ZNF81: variants seen among roughly 807,000 people sequenced by gnomAD.
ZNF81 encodes the protein zinc finger protein 81.
A neutral mutation model predicts 32.3 loss-of-function variants in ZNF81; 5 were observed. That is an observed-to-expected ratio of 0.15 (90% CI 0.08 to 0.33). The LOEUF is 0.33. Ranked by LOEUF, ZNF81 falls within the 10% of genes least tolerant of loss-of-function variation. The pLI, the probability that ZNF81 is intolerant of heterozygous loss-of-function variation, is 1.00. For missense variants in ZNF81, 379 were observed against 479.8 expected (o/e 0.79, Z 1.96); for synonymous variants, 163 against 166.8 (o/e 0.98, Z 0.17).
chrX:47,879,938 C>T (rs1407445306), intron 2 of ZNF81, among the ~76,000 whole-genome samples: 1 of 112,250 alleles, frequency 8.9e-6, no homozygotes, highest in Non-Finnish European at 1.9e-5. Context: ...CTATGTCCCA[C>T]ATTTTGGAAT....
At chrX:47,844,247 C>T (rs1556880161) in intron 1 of ZNF81, among the ~76,000 whole-genome samples, 1 of 112,286 alleles carries the variant, frequency 8.9e-6, no homozygotes, top group African/African-American at 3.2e-5. Context: ...GTGCAGCCAT[C>T]ACCACAATCT....
At chrX:47,896,040 G>T (rs2058678915) in intron 4 of ZNF81, 100 bp downstream of exon 4, 1 of 637,636 alleles carries the variant, frequency 1.6e-6, no homozygotes. Context: ...TTAAAGGTTG[G>T]AAACTTTATA....
At chrX:47,909,604 T>C (rs2058732288) in intron 4 of ZNF81, among the ~76,000 whole-genome samples, 1 of 109,969 alleles carries the variant, frequency 9.1e-6, no homozygotes, top group Non-Finnish European at 1.9e-5. Flanking sequence ...TTTTTTTCTT[T>C]TTCTTTTTTT....
In ZNF81 at chrX:47,846,221, T is replaced by C. The variant is rs2058469686; in HGVS notation, c.-47T>C. 5 of 1,189,001 alleles carry C rather than the reference T, an allele frequency of 4.2e-6. No individual in the cohort carries two copies. The highest frequency in any genetic ancestry group is 5.7e-6 in the Non-Finnish European group (5 of 883,119). Reference sequence around the variant, plus strand: ...CACCGATCCCACTGGAATTATAAAGTTGTCAGCAAGAAAGCCCCAGGGCTG... The same window carrying C: ...CACCGATCCCACTGGAATTATAAAGCTGTCAGCAAGAAAGCCCCAGGGCTG... On this transcript the variant is annotated 5_prime_UTR_variant, in exon 2 of 5. Coordinates refer to ENST00000338637, the MANE Select transcript of ZNF81 (RefSeq NM_007137.5).
intron 2 of ZNF81, among the ~76,000 whole-genome samples, chrX:47,877,990 A>T (rs1556884743): frequency 9.0e-6 from 1 of 111,421 alleles, no homozygotes; most frequent in Non-Finnish European, 1.9e-5. Context: ...AGCAGCCAGG[A>T]TCTACTGCAA....
chrX:47,918,965 TG>T lies in ZNF81; in HGVS notation c.*2339del, dbSNP rs1423068845. On this transcript the variant is annotated 3_prime_UTR_variant, in exon 5 of 5. Transcript: ENST00000338637. ...ACCATTGTATATATTGGGTGTATGT[TG>T]GGGGGCATGTAACTTGTCATTTAGC... is the stretch of plus-strand genomic sequence containing the variant. 1 of 257,746 alleles carries T rather than the reference TG, an allele frequency of 3.9e-6. No individual in the cohort carries two copies. The highest frequency in any genetic ancestry group is 7.3e-6 in the Non-Finnish European group (1 of 137,277). 21.2% of individuals were successfully genotyped at this position (257,746 alleles called of 1,213,427 possible).
rs1674639514 is a variant in ZNF81, at chrX:47,922,130, T to C, written c.*5498T>C. 1 of 112,048 alleles carries C rather than the reference T, an allele frequency of 8.9e-6. No homozygotes were observed. Among genetic ancestry groups the C allele is most frequent in the Non-Finnish European group, 1.9e-5 (1 of 53,183 alleles). 9.2% of individuals were successfully genotyped at this position (112,048 alleles called of 1,213,427 possible). On this transcript the variant is annotated 3_prime_UTR_variant, in exon 5 of 5. Coordinates refer to ENST00000338637, the MANE Select transcript of ZNF81 (RefSeq NM_007137.5). Reference sequence around the variant, plus strand: ...AACAACCCAGCAAAAAGCTAACTGATACATTGATTATTTATTGCATTTCTT... The same window carrying C: ...AACAACCCAGCAAAAAGCTAACTGACACATTGATTATTTATTGCATTTCTT...
At chrX:47,907,750 G>C (rs782809112) in intron 4 of ZNF81, among the ~76,000 whole-genome samples, 1 of 111,674 alleles carries the variant, frequency 9.0e-6, no homozygotes, top group South Asian at 3.7e-4. Context: ...AGGATACTAA[G>C]AAAATATTAT....
intron 2 of ZNF81, among the ~76,000 whole-genome samples, chrX:47,871,818 C>T (rs2058581625): frequency 8.9e-6 from 1 of 112,176 alleles, no homozygotes; most frequent in African/African-American, 3.2e-5. Context: ...GCAGCTATTG[C>T]TGCTGCTCGG....
intron 2 of ZNF81, among the ~76,000 whole-genome samples, chrX:47,863,881 T>C (rs1422434776): frequency 9.0e-6 from 1 of 111,722 alleles, no homozygotes; most frequent in Non-Finnish European, 1.9e-5. Context: ...ATTCCTTGAG[T>C]GGGTAAAATG....
At chrX:47,837,179 A>C (rs782471165) in intron 1 of ZNF81, among the ~76,000 whole-genome samples, 192 bp downstream of exon 1, 1 of 111,823 alleles carries the variant, frequency 8.9e-6, no homozygotes, top group South Asian at 3.7e-4. Context: ...TAAGAGTGTT[A>C]ACTTGTATTC....
intron 4 of ZNF81, among the ~76,000 whole-genome samples, chrX:47,899,519 G>A (rs999433293): frequency 8.2e-5 from 9 of 110,004 alleles, no homozygotes; most frequent in Admixed American, 1.9e-4. Flanking sequence ...TGACTTAAAA[G>A]TTTGCGTTTT....
chrX:47,915,642 T>C lies in ZNF81; in HGVS notation c.996T>C (p.Cys332=). 3 of 1,210,430 alleles carry C rather than the reference T, an allele frequency of 2.5e-6. No homozygotes were observed. The highest frequency in any genetic ancestry group is 2.2e-6 in the Non-Finnish European group (2 of 894,739). The change falls in exon 5 of 5, where the codon TGT becomes TGC. Residue 332 remains cysteine, a synonymous_variant. Coordinates refer to ENST00000338637, the MANE Select transcript of ZNF81 (RefSeq NM_007137.5). ...ATAGAGATGAAAAACTCTACATATG[T>C]ACTAAATGTGGGAAGGCCTTCATCC... ...RVHRDEKLYI[C]TKCGKAFIQN...
intron 4 of ZNF81, among the ~76,000 whole-genome samples, chrX:47,897,272 C>T (rs781922958): frequency 8.9e-6 from 1 of 112,060 alleles, no homozygotes; most frequent in Admixed American, 9.4e-5. Flanking sequence ...GCTATTGTAG[C>T]GGATATTATA....
intron 2 of ZNF81, among the ~76,000 whole-genome samples, chrX:47,879,909 C>T (rs2058614001): frequency 8.9e-6 from 1 of 112,205 alleles, no homozygotes; most frequent in Non-Finnish European, 1.9e-5. Flanking sequence ...GTTGAAGAAA[C>T]TGGGCCATTT....
intron 2 of ZNF81, chrX:47,861,023 A>G (rs781828931): frequency 3.6e-5 from 4 of 112,285 alleles, no homozygotes; most frequent in East Asian, 5.6e-4. Context: ...AATATTCTTT[A>G]TAATAAACCA....
chrX:47,905,645 TA>T (rs1228851658), intron 4 of ZNF81, among the ~76,000 whole-genome samples: 1 of 110,855 alleles, frequency 9.0e-6, no homozygotes, highest in Non-Finnish European at 1.9e-5. Flanking sequence ...CATAGAAGTT[TA>T]AAAATTTTTT....
chrX:47,850,217 C>T (rs1191840650), intron 2 of ZNF81, among the ~76,000 whole-genome samples: 5 of 109,676 alleles, frequency 4.6e-5, no homozygotes, highest in African/African-American at 1.3e-4. Flanking sequence ...AAATGACCAT[C>T]AATAATAGAG....
rs2058761095 is a variant in ZNF81 at position 47,917,367 on chromosome X, A to C, written c.*735A>C. On this transcript the variant is annotated 3_prime_UTR_variant, in exon 5 of 5. Coordinates refer to ENST00000338637, the MANE Select transcript of ZNF81 (RefSeq NM_007137.5). ...GTTTTCTTTCATTGTGGTACAATGC[A>C]AAGTAGCCACAGATTCCTCCCATCC... 1 of 294,815 alleles carries C rather than the reference A, an allele frequency of 3.4e-6. No individual in the cohort carries two copies. Among genetic ancestry groups the C allele is most frequent in the African/African-American group, 2.7e-5 (1 of 36,370 alleles). The allele number at this position is 294,815 out of a possible 1,213,427, so 24.3% of individuals were successfully genotyped here. A position where few individuals can be genotyped will look rare whatever the true frequency, so the allele number is the denominator to read the frequency against.
Sources: allele counts gnomAD v4.1 joint callset (sites outside exome capture counted in the v4.1 genomes callset), GRCh38; gene constraint gnomAD v4.1.1; transcripts MANE v1.5; gene names NCBI Gene and HGNC (gene_info 2026-07-23, HGNC 2026-07-21).